Variants in NEDD9 observed in about 807,000 individuals in gnomAD.
NEDD9 encodes neural precursor cell expressed, developmentally down-regulated 9.
Under a neutral mutation model 76.6 loss-of-function variants are expected in NEDD9, and 26 were observed. The observed-to-expected ratio is 0.34, with a 90% CI of 0.25 to 0.47. NEDD9 has a LOEUF of 0.47. Among genes scored for constraint, NEDD9 ranks in the 20% least tolerant of loss-of-function variants. The pLI, the probability that NEDD9 is intolerant of heterozygous loss-of-function variation, is 1.00. For missense variants in NEDD9, 937 were observed against 1,058.5 expected (o/e 0.89, Z 1.59); for synonymous variants, 392 against 414.2 (o/e 0.95, Z 0.65).
intron 3 of NEDD9, among the ~76,000 whole-genome samples, chr6:11,288,783 C>G (rs1760702453): frequency 6.6e-6 from 1 of 152,248 alleles, no homozygotes; most frequent in African/African-American, 2.4e-5. Flanking sequence ...ATTCTGCTCA[C>G]TGACTTACAA....
chr6:11,294,006 A>AGTGTGTGTGTGTGTGTGTATGTGT (rs57803150), intron 3 of NEDD9, among the ~76,000 whole-genome samples: 1 of 150,956 alleles, frequency 6.6e-6, no homozygotes, highest in East Asian at 2.0e-4. Flanking sequence ...CCATTGTGTA[A>AGTGTGTGTGTGTGTGTGTATGTGT]GTGTGTGTGT....
chr6:11,262,106 C>T (rs758448614), intron 3 of NEDD9, among the ~76,000 whole-genome samples: 2 of 152,034 alleles, frequency 1.3e-5, no homozygotes, highest in African/African-American at 2.4e-5. Flanking sequence ...AACATGTGCC[C>T]GGACCTGACT....
chr6:11,312,899 T>C (rs1761417441), intron 2 of NEDD9, among the ~76,000 whole-genome samples: 1 of 152,068 alleles, frequency 6.6e-6, no homozygotes, highest in Non-Finnish European at 1.5e-5. Context: ...TAAAAGAAAA[T>C]CCCTAAACCC....
At chr6:11,249,221 A>G (rs1481953483) in intron 3 of NEDD9, 1 of 455,560 alleles carries the variant, frequency 2.2e-6, no homozygotes, top group East Asian at 6.9e-5. Flanking sequence ...AGGCCTAAAT[A>G]AAACAAATAT....
At chr6:11,231,575 A>G (rs1378881813) in intron 1 of NEDD9, among the ~76,000 whole-genome samples, 3 of 152,230 alleles carry the variant, frequency 2.0e-5, no homozygotes, top group Non-Finnish European at 4.4e-5. Flanking sequence ...TTAAAATAGC[A>G]TAAAATAAAA....
At chr6:11,227,443 A>G (rs1759338269) in intron 1 of NEDD9, among the ~76,000 whole-genome samples, 1 of 152,132 alleles carries the variant, frequency 6.6e-6, no homozygotes, top group Non-Finnish European at 1.5e-5. Flanking sequence ...TATTTTACAG[A>G]CAATGCTGTA....
chr6:11,272,179 G>A (rs1760323071), intron 3 of NEDD9, among the ~76,000 whole-genome samples: 1 of 152,088 alleles, frequency 6.6e-6, no homozygotes, highest in African/African-American at 2.4e-5. Flanking sequence ...CTGCAGATGA[G>A]GATCTCTGTG....
chr6:11,264,262 C>T (rs183410275), intron 3 of NEDD9, among the ~76,000 whole-genome samples: 13 of 152,292 alleles, frequency 8.5e-5, no homozygotes, highest in Admixed American at 5.2e-4. Flanking sequence ...ATCACCTCCT[C>T]GAGGTGACAG....
chr6:11,366,902 T>C (rs954355154), intron 1 of NEDD9, among the ~76,000 whole-genome samples: 1 of 152,220 alleles, frequency 6.6e-6, no homozygotes, highest in Non-Finnish European at 1.5e-5. Context: ...TGAAATAATA[T>C]GAGTCAATGT....
intron 1 of NEDD9, among the ~76,000 whole-genome samples, chr6:11,372,013 T>A (rs1762885859): frequency 6.6e-6 from 1 of 152,234 alleles, no homozygotes; most frequent in South Asian, 2.1e-4. Context: ...AGTTATTTTT[T>A]AATGTACAAT....
chr6:11,315,760 C>T (rs1761534105), intron 2 of NEDD9, among the ~76,000 whole-genome samples: 2 of 152,266 alleles, frequency 1.3e-5, no homozygotes, highest in Admixed American at 6.5e-5. Flanking sequence ...ATGGGCAAGA[C>T]TCAATAAAGA....
rs1476731410 is a variant in NEDD9 at position 11,219,758 on chromosome 6, A to G, written c.13-6031T>C. 3.3e-5 allele frequency among the ~76,000 whole-genome samples: 5 copies of G among 152,346 alleles called. No homozygotes were observed. In the East Asian group the frequency reaches 9.6e-4, roughly 29 times the overall value. On this transcript the variant is annotated intron_variant, in intron 1 of 6. Transcript: ENST00000379446. The stretch of plus-strand genomic sequence containing the variant: ...GGCTTTGGTCTGAGAACTGCAAACC[A>G]TTTTGGCTACATTTCTCCTTTCCTT...
intron 1 of NEDD9, 132 bp downstream of exon 1, chr6:11,232,372 A>C (rs1759499345): frequency 9.0e-7 from 1 of 1,117,274 alleles, no homozygotes; most frequent in Admixed American, 1.9e-5. Context: ...TGTCAACCTC[A>C]GTGACCGAGA....
At position 11,241,960 on chromosome 6, in the gene NEDD9, C is replaced by CA. The variant is rs1163553479; in HGVS notation, c.13-28234dup. On this transcript the variant is annotated intron_variant, in intron 3 of 3. Coordinates refer to the NEDD9 transcript ENST00000397378. The surrounding 1 kb of genome is among the most constrained non-coding windows in gnomAD (Gnocchi z 4.0). ...AGAGGAATGTGGCGGGAACACAGCACACCCTGCACGGTTCAAGCCAAGCTT... is the reference window on the plus strand; with the variant it reads ...AGAGGAATGTGGCGGGAACACAGCACAACCCTGCACGGTTCAAGCCAAGCTT... 7.2e-5 allele frequency among the ~76,000 whole-genome samples: 11 copies of CA among 152,232 alleles called. No homozygotes were observed. Among genetic ancestry groups the CA allele is most frequent in the African/African-American group, 2.7e-4 (11 of 41,470 alleles).
chr6:11,299,127 C>T (rs555380059), intron 3 of NEDD9, among the ~76,000 whole-genome samples: 2 of 152,336 alleles, frequency 1.3e-5, no homozygotes, highest in African/African-American at 4.8e-5. Context: ...AAACAGTACA[C>T]TCCTGACCAA....
intron 3 of NEDD9, chr6:11,305,294 A>G (rs1272299065): frequency 4.4e-6 from 2 of 458,116 alleles, no homozygotes; most frequent in East Asian, 7.2e-5. Context: ...TTTTATAAAC[A>G]CAGAAACAGA....
intron 1 of NEDD9, among the ~76,000 whole-genome samples, chr6:11,380,485 C>T (rs549542573): frequency 1.1e-4 from 17 of 152,322 alleles, no homozygotes; most frequent in African/African-American, 4.1e-4. Context: ...TTCGTCTGCC[C>T]TTTGGGCAAT....
In NEDD9 at chr6:11,190,454, T is replaced by G; in HGVS notation, c.1415A>C (p.Asn472Thr). The change falls in exon 5 of 7, where the codon AAT becomes ACT. Residue 472 changes from asparagine to threonine, a missense_variant. Asn to Thr is a moderately conservative substitution (Grantham distance 65). Coordinates refer to ENST00000379446, the MANE Select transcript of NEDD9 (RefSeq NM_006403.4). The surrounding 1 kb of genome is among the most constrained non-coding windows in gnomAD (Gnocchi z 5.8). ...GATGAGTTCCGGGAGGCAGGCAGCA[T>G]TTGCAACAGCTCCCTTGACAAAGTG... is the stretch of plus-strand genomic sequence containing the variant. ...YLHFVKGAVA[N>T]AACLPELILH... is the part of the protein sequence containing the mutation. 1 of 1,614,168 alleles carries G rather than the reference T, an allele frequency of 6.2e-7. No individual in the cohort carries two copies. The highest frequency in any genetic ancestry group is 8.5e-7 in the Non-Finnish European group (1 of 1,180,018).
At chr6:11,209,086 A>G (rs1029238471) in intron 2 of NEDD9, among the ~76,000 whole-genome samples, 1 of 152,242 alleles carries the variant, frequency 6.6e-6, no homozygotes, top group Non-Finnish European at 1.5e-5. Context: ...TATAACCTAC[A>G]TACTGTTTTC....
Sources: gnomAD v4.1 joint callset for allele counts (sites outside exome capture counted in the v4.1 genomes callset) on GRCh38, gnomAD v4.1.1 for gene constraint, Gnocchi (gnomAD v3.1) non-coding constraint, MANE v1.5 for transcripts, NCBI Gene and HGNC (gene_info 2026-07-23, HGNC 2026-07-21) for gene names.